SIPA1L2: variants seen among roughly 807,000 people sequenced by gnomAD.
SIPA1L2 encodes signal induced proliferation associated 1 like 2.
In SIPA1L2, 56 loss-of-function variants were observed where a neutral mutation model predicts 163.9. The observed-to-expected ratio is 0.34, with a 90% CI of 0.28 to 0.43. The LOEUF is 0.43. Ranked by LOEUF, SIPA1L2 falls within the 20% of genes least tolerant of loss-of-function variation. The pLI is 1.00. For synonymous variants in SIPA1L2, 877 were observed against 865.7 expected (o/e 1.01, Z -0.23); for missense variants, 1,974 against 2,193.5 (o/e 0.90, Z 2.00).
At chr1:232,418,552 A>G (rs1290685440) in intron 18 of SIPA1L2, among the ~76,000 whole-genome samples, 1 of 152,214 alleles carries the variant, frequency 6.6e-6, no homozygotes, top group Admixed American at 6.5e-5. Flanking sequence ...CCAGCTCTGA[A>G]GGTCTCTGCC....
intron 10 of SIPA1L2, among the ~76,000 whole-genome samples, chr1:232,454,037 C>T (rs544511394): frequency 2.6e-5 from 4 of 152,078 alleles, no homozygotes; most frequent in African/African-American, 7.2e-5. Context: ...GATGCTCATT[C>T]GCTTGAATCA....
chr1:232,575,639 C>T (rs1032668890), intron 1 of SIPA1L2, among the ~76,000 whole-genome samples: 2 of 152,088 alleles, frequency 1.3e-5, no homozygotes, highest in Non-Finnish European at 2.9e-5. Flanking sequence ...TTAAACACAG[C>T]ATTACCATAT....
At chr1:232,407,211 G>A (rs925904352) in intron 19 of SIPA1L2, among the ~76,000 whole-genome samples, 1 of 152,168 alleles carries the variant, frequency 6.6e-6, no homozygotes, top group Non-Finnish European at 1.5e-5. Flanking sequence ...TAATTTAAAT[G>A]GATTTACTAT....
At chr1:232,526,644 G>C (rs374909718) in intron 2 of SIPA1L2, among the ~76,000 whole-genome samples, 2 of 152,318 alleles carry the variant, frequency 1.3e-5, no homozygotes, top group African/African-American at 4.8e-5. Flanking sequence ...CACTGCTTGA[G>C]AGTTCTTCCA....
intron 18 of SIPA1L2, among the ~76,000 whole-genome samples, chr1:232,416,946 G>C (rs1490438136): frequency 6.6e-6 from 1 of 152,062 alleles, no homozygotes; most frequent in Non-Finnish European, 1.5e-5. Context: ...ACGCATCTGA[G>C]GACAAGTTCT....
chr1:232,431,058 C>T (rs949165735), intron 16 of SIPA1L2, among the ~76,000 whole-genome samples: 8 of 152,166 alleles, frequency 5.3e-5, no homozygotes, highest in African/African-American at 9.7e-5. Context: ...TAAAACTGTC[C>T]GAATGGGCTC....
At chr1:232,411,590 G>C (rs890517040) in intron 19 of SIPA1L2, among the ~76,000 whole-genome samples, 2 of 148,960 alleles carry the variant, frequency 1.3e-5, no homozygotes, top group African/African-American at 5.0e-5. Context: ...ATTGCCAGTT[G>C]CTTTTTTTTT....
chr1:232,558,065 C>T (rs1420518453), intron 2 of SIPA1L2, among the ~76,000 whole-genome samples: 1 of 152,168 alleles, frequency 6.6e-6, no homozygotes, highest in East Asian at 1.9e-4. Flanking sequence ...TCAAACAGAA[C>T]CCTACTTGGA....
chr1:232,403,393 T>G (rs1660459538), intron 21 of SIPA1L2, 55 bp downstream of exon 21: 1 of 1,586,310 alleles, frequency 6.3e-7, no homozygotes, highest in Admixed American at 1.7e-5. Context: ...TAGCCGAATC[T>G]TGGCTAATCA....
At chr1:232,577,318 C>G (rs1409706244) in intron 1 of SIPA1L2, among the ~76,000 whole-genome samples, 1 of 152,134 alleles carries the variant, frequency 6.6e-6, no homozygotes, top group East Asian at 1.9e-4. Flanking sequence ...AAAAAAGATT[C>G]CTTTCAAAAT....
rs1229875490 is a variant in SIPA1L2 at position 232,500,496 on chromosome 1, A to C, written c.1484-6836T>G. ...TAACAGAAATTTAGAAGGTGGCTCC[A>C]ACCCTCGTGGATGACTCTGAGGGAT... On this transcript the variant is annotated intron_variant, in intron 3 of 22. Transcript: ENST00000674635. Among the ~76,000 whole-genome samples, 3 of 152,346 alleles carry C rather than the reference A, an allele frequency of 2.0e-5. No homozygotes were observed. The East Asian group carries it at 5.8e-4, about 29-fold the overall frequency.
At chr1:232,600,233 C>G (rs79499372) in intron 1 of SIPA1L2, among the ~76,000 whole-genome samples, 1 of 145,052 alleles carries the variant, frequency 6.9e-6, no homozygotes, top group Non-Finnish European at 1.5e-5. Flanking sequence ...ACACAGTTAA[C>G]AAAAAAAAAA....
chr1:232,506,930 A>T (rs1029458723), intron 3 of SIPA1L2, among the ~76,000 whole-genome samples: 2 of 152,250 alleles, frequency 1.3e-5, no homozygotes, highest in Admixed American at 6.5e-5. Context: ...TTAGATTTCT[A>T]GAAAAGCTGT....
chr1:232,603,536 G>C (rs954230422), intron 1 of SIPA1L2, among the ~76,000 whole-genome samples: 3 of 152,174 alleles, frequency 2.0e-5, no homozygotes, highest in East Asian at 1.9e-4. Context: ...AGCAACAGAG[G>C]ATGCGGCCTG....
intron 1 of SIPA1L2, among the ~76,000 whole-genome samples, chr1:232,618,934 A>G (rs976292443): frequency 6.6e-6 from 1 of 152,236 alleles, no homozygotes; most frequent in Non-Finnish European, 1.5e-5. Context: ...GTGAGGAAAA[A>G]AAACATAATG....
At chr1:232,440,870 TA>T (rs1423737292) in intron 14 of SIPA1L2, among the ~76,000 whole-genome samples, 6 of 152,152 alleles carry the variant, frequency 3.9e-5, no homozygotes, top group African/African-American at 1.4e-4. Flanking sequence ...CTGACATGTG[TA>T]ATGGGCAGCT....
At chr1:232,517,816 G>C (rs888820056) in intron 2 of SIPA1L2, among the ~76,000 whole-genome samples, 1 of 152,224 alleles carries the variant, frequency 6.6e-6, no homozygotes, top group Non-Finnish European at 1.5e-5. Flanking sequence ...TGAGGCAGGA[G>C]GATCGCTTGA....
chr1:232,517,323 A>T (rs765889571), intron 2 of SIPA1L2, among the ~76,000 whole-genome samples: 5 of 152,158 alleles, frequency 3.3e-5, no homozygotes, highest in Non-Finnish European at 7.4e-5. Flanking sequence ...GTACAGCACA[A>T]GGGAGTCAAA....
chr1:232,444,966 A>C (rs572124765), intron 11 of SIPA1L2, among the ~76,000 whole-genome samples: 31 of 152,372 alleles, frequency 2.0e-4, no homozygotes, highest in African/African-American at 7.2e-4. Flanking sequence ...TGATCTATGC[A>C]AATTAGGCAT....
Sources: allele counts gnomAD v4.1 joint callset (sites outside exome capture counted in the v4.1 genomes callset), GRCh38; gene constraint gnomAD v4.1.1; transcripts MANE v1.5; gene names NCBI Gene and HGNC (gene_info 2026-07-23, HGNC 2026-07-21).